FSHR: variants seen among roughly 807,000 people sequenced by gnomAD.
The protein encoded by FSHR is follicle-stimulating hormone receptor.
In FSHR, 46 loss-of-function variants were observed where a neutral mutation model predicts 52.1. The observed-to-expected ratio is 0.88, with a 90% CI of 0.70 to 1.13. The LOEUF is 1.13. FSHR is among the 50% of genes most tolerant of loss of function. FSHR has a pLI of 0.00. For synonymous variants in FSHR, 399 were observed against 309.6 expected, an observed-to-expected ratio of 1.29 and a Z score of -3.03; for missense variants, 964 against 834.6, an observed-to-expected ratio of 1.16 and a Z score of -1.91.
intron 4 of FSHR, among the ~76,000 whole-genome samples, chr2:48,991,705 AG>A (rs1417212871): frequency 6.6e-6 from 1 of 152,164 alleles, no homozygotes; most frequent in East Asian, 1.9e-4. Context: ...AACAATGGTG[AG>A]GGTTTTTAGA....
At chr2:49,137,913 C>T (rs770632769) in intron 1 of FSHR, among the ~76,000 whole-genome samples, 3 of 151,966 alleles carry the variant, frequency 2.0e-5, no homozygotes, top group African/African-American at 4.8e-5. Flanking sequence ...TTGGATATGA[C>T]ACCAAAAGCA....
chr2:49,149,098 T>C (rs908301729), intron 1 of FSHR, among the ~76,000 whole-genome samples: 1 of 151,972 alleles, frequency 6.6e-6, no homozygotes, highest in African/African-American at 2.4e-5. Context: ...AGCAGAAATA[T>C]GAAAGGAACT....
chr2:49,067,529 T>G (rs1669553180), intron 2 of FSHR, among the ~76,000 whole-genome samples: 1 of 152,052 alleles, frequency 6.6e-6, no homozygotes, highest in African/African-American at 2.4e-5. Context: ...AGAACATATT[T>G]CCCTGGCCCT....
At chr2:49,147,922 T>C (rs1672925541) in intron 1 of FSHR, among the ~76,000 whole-genome samples, 1 of 151,988 alleles carries the variant, frequency 6.6e-6, no homozygotes, top group Non-Finnish European at 1.5e-5. Context: ...TAAACAAGGC[T>C]ATAGGAGACT....
chr2:49,017,663 C>T (rs1379594392), intron 3 of FSHR, 100 bp from the exon 4 acceptor site: 2 of 827,842 alleles, frequency 2.4e-6, no homozygotes, highest in Non-Finnish European at 4.1e-6. Flanking sequence ...TCATCCCATC[C>T]ACTCATCCAC....
Position 49,149,539 on chromosome 2 carries a change from CT to C in FSHR, c.152+4726del, listed in dbSNP as rs1344504094. On this transcript the variant is annotated intron_variant, in intron 1 of 9. Transcript: ENST00000406846. ...GTGGAATGTTAATCCTCAGAATACT[CT>C]TAGAAAAGTGGCTCAGTTTGCAAAC... Among the ~76,000 whole-genome samples the C allele has an allele frequency of 2.6e-5, 4 of 152,010 alleles. No individual in the cohort carries two copies. The East Asian group carries it at 7.7e-4, about 29-fold the overall frequency.
chr2:49,068,127 T>C, intron 2 of FSHR, 92 bp downstream of exon 2: 1 of 947,378 alleles, frequency 1.1e-6, no homozygotes, highest in Admixed American at 1.7e-5. Flanking sequence ...TCAGTTCGGC[T>C]ACTAAGTGCA....
intron 9 of FSHR, among the ~76,000 whole-genome samples, chr2:48,967,607 A>G (rs542455951): frequency 1.3e-5 from 2 of 152,330 alleles, no homozygotes; most frequent in East Asian, 3.9e-4. Flanking sequence ...CCCATTCTGG[A>G]TAATATCCCA....
At position 49,127,751 on chromosome 2, in the gene FSHR, T is replaced by TC. The variant is rs1672063030; in HGVS notation, c.152+26514_152+26515insG. 2.6e-5 allele frequency among the ~76,000 whole-genome samples: 2 copies of TC among 77,526 alleles called. 1 individual carries two copies. The highest frequency in any genetic ancestry group is 1.2e-4 in the African/African-American group (2 of 16,898). The allele number at this position is 77,526 out of a possible 152,430, so 50.9% of individuals were successfully genotyped here. A position where few individuals can be genotyped will look rare whatever the true frequency, so the allele number is the denominator to read the frequency against. On this transcript the variant is annotated intron_variant, in intron 1 of 9. Coordinates refer to ENST00000406846, the MANE Select transcript of FSHR (RefSeq NM_000145.4). ...ATTTGTGCATGATTTCTTCTTCTTC[T>TC]TTCTTCTTCTTCTTCTTCTTCTTCT...
At chr2:49,142,556 CA>C (rs1270823584) in intron 1 of FSHR, among the ~76,000 whole-genome samples, 1 of 152,224 alleles carries the variant, frequency 6.6e-6, no homozygotes, top group Non-Finnish European at 1.5e-5. Flanking sequence ...GCACCTCAAA[CA>C]GTGCCTGTCA....
intron 1 of FSHR, among the ~76,000 whole-genome samples, chr2:49,146,798 G>C (rs528714895): frequency 6.6e-6 from 1 of 152,086 alleles, no homozygotes; most frequent in African/African-American, 2.4e-5. Context: ...TCCTCAATTT[G>C]TGGATCTTTC....
intron 1 of FSHR, among the ~76,000 whole-genome samples, chr2:49,130,554 C>T (rs1672228653): frequency 6.6e-6 from 1 of 152,194 alleles, no homozygotes; most frequent in African/African-American, 2.4e-5. Context: ...TAGTGCAAGT[C>T]ATTAATTTCA....
At chr2:49,078,842 A>G (rs1466852593) in intron 1 of FSHR, among the ~76,000 whole-genome samples, 1 of 152,188 alleles carries the variant, frequency 6.6e-6, no homozygotes, top group Non-Finnish European at 1.5e-5. Context: ...TCTATTTGAT[A>G]TTGTGCTGGA....
chr2:49,127,819 T>TC (rs1672086232), intron 1 of FSHR, among the ~76,000 whole-genome samples: 2 of 72,168 alleles, frequency 2.8e-5, no homozygotes, highest in East Asian at 1.3e-3. Context: ...TTCTTCTTCT[T>TC]CTTCTTCTTC....
intron 1 of FSHR, among the ~76,000 whole-genome samples, chr2:49,085,812 T>C (rs1670362876): frequency 6.6e-6 from 1 of 152,104 alleles, no homozygotes; most frequent in Non-Finnish European, 1.5e-5. Context: ...ATGTCCTTTG[T>C]AGGGACATGG....
chr2:49,013,356 A>G lies in FSHR; in HGVS notation c.374+4133T>C, dbSNP rs375512146. On this transcript the variant is annotated intron_variant, in intron 4 of 9. Transcript: ENST00000406846. ...AGCTTAATTAGGTTTTGTTTCCCTG[A>G]CAAAATCTTTCAGATTTAGAGGGCC... Among the ~76,000 whole-genome samples, 3 of 150,840 alleles carry G rather than the reference A, an allele frequency of 2.0e-5. No homozygotes were observed. The East Asian group carries it at 5.8e-4, about 29-fold the overall frequency.
chr2:49,028,220 A>T (rs1463922033), intron 2 of FSHR, among the ~76,000 whole-genome samples: 1 of 152,196 alleles, frequency 6.6e-6, no homozygotes, highest in African/African-American at 2.4e-5. Context: ...CTGCAGGAAT[A>T]ATGATGACAA....
At chr2:49,109,102 C>A (rs1441826664) in intron 1 of FSHR, among the ~76,000 whole-genome samples, 1 of 151,890 alleles carries the variant, frequency 6.6e-6, no homozygotes, top group Non-Finnish European at 1.5e-5. Context: ...CAGGGAATAT[C>A]TTGGAGATCT....
At chr2:48,988,218 C>G (rs1484328276) in intron 6 of FSHR, among the ~76,000 whole-genome samples, 1 of 152,106 alleles carries the variant, frequency 6.6e-6, no homozygotes, top group Admixed American at 6.5e-5. Context: ...ATTTTAAAAA[C>G]TCATACTGGT....
Sources: gnomAD v4.1 joint callset for allele counts (sites outside exome capture counted in the v4.1 genomes callset) on GRCh38, gnomAD v4.1.1 for gene constraint, MANE v1.5 for transcripts, NCBI Gene and HGNC (gene_info 2026-07-23, HGNC 2026-07-21) for gene names.